Variants in MARCHF4 observed in about 807,000 individuals in gnomAD.
MARCHF4 encodes membrane associated ring-CH-type finger 4.
A neutral mutation model predicts 43.9 loss-of-function variants in MARCHF4; 14 were observed. The observed-to-expected ratio is 0.32, with a 90% CI of 0.21 to 0.50. The LOEUF (loss-of-function observed/expected upper bound fraction) is 0.50, where lower values mean the gene tolerates loss of function less well. MARCHF4 is among the 20% of genes least tolerant of loss of function. The pLI is 0.98. For synonymous variants in MARCHF4, 226 were observed against 213.3 expected (o/e 1.06, Z -0.52); for missense variants, 468 against 536.7 (o/e 0.87, Z 1.27).
chr2:216,271,690 G>T (rs1182828981), intron 3 of MARCHF4, among the ~76,000 whole-genome samples: 1 of 152,112 alleles, frequency 6.6e-6, no homozygotes. Context: ...TTATTATATG[G>T]GGTTCAGTGA....
intron 1 of MARCHF4, among the ~76,000 whole-genome samples, chr2:216,313,071 G>A (rs1691715985): frequency 6.6e-6 from 1 of 152,108 alleles, no homozygotes; most frequent in African/African-American, 2.4e-5. Context: ...GTGAGAGAGA[G>A]GGGTCCAGTT....
chr2:216,317,146 T>G (rs1483536212), intron 1 of MARCHF4, among the ~76,000 whole-genome samples: 1 of 152,206 alleles, frequency 6.6e-6, no homozygotes, highest in African/African-American at 2.4e-5. Context: ...ACTCTTTCAT[T>G]GGCGTCTTTA....
At chr2:216,354,949 T>TTCTTTCTTTC (rs1559106662) in intron 1 of MARCHF4, among the ~76,000 whole-genome samples, 8 of 144,800 alleles carry the variant, frequency 5.5e-5, no homozygotes, top group African/African-American at 2.1e-4. Context: ...CTTTCTTTCT[T>TTCTTTCTTTC]TCTTTCTTTC....
intron 1 of MARCHF4, among the ~76,000 whole-genome samples, chr2:216,328,721 G>A (rs1692036061): frequency 6.6e-6 from 1 of 152,194 alleles, no homozygotes; most frequent in African/African-American, 2.4e-5. Context: ...CATCTTATGG[G>A]GGATTAAATA....
chr2:216,356,414 G>C lies in MARCHF4; in HGVS notation c.516+13331C>G, dbSNP rs60262188. ...GAAAGGGAACTAATACTTCTCAAGA[G>C]CCCATTTCATGCACGGTGCTACGTA... On this transcript the variant is annotated intron_variant, in intron 1 of 3. Coordinates refer to ENST00000273067, the MANE Select transcript of MARCHF4 (RefSeq NM_020814.3). 5.6e-3 allele frequency among the ~76,000 whole-genome samples: 848 copies of C among 152,334 alleles called. 8 individuals are homozygous for C. Among genetic ancestry groups the C allele is most frequent in the African/African-American group, 0.019 (798 of 41,572 alleles).
intron 3 of MARCHF4, among the ~76,000 whole-genome samples, chr2:216,267,591 T>G (rs1690866338): frequency 6.6e-6 from 1 of 152,196 alleles, no homozygotes; most frequent in African/African-American, 2.4e-5. Flanking sequence ...TTCTATCTGC[T>G]GAAGTTACCC....
rs970902887 is a variant in MARCHF4 at position 216,258,747 on chromosome 2, A to C, written c.*565T>G. The C allele has an allele frequency of 2.0e-5, 3 of 151,918 alleles. No homozygotes were observed. The highest frequency in any genetic ancestry group is 4.9e-5 in the African/African-American group (2 of 41,076). The allele number at this position is 151,918 out of a possible 1,614,324, so 9.4% of individuals were successfully genotyped here. ...CCTGAGCATCCCTCCCTGACCATCC[A>C]CCCCACCATCCCCACAGCCATTTGT... On this transcript the variant is annotated 3_prime_UTR_variant, in exon 4 of 4. Coordinates refer to ENST00000273067, the MANE Select transcript of MARCHF4 (RefSeq NM_020814.3).
At chr2:216,366,581 T>C (rs1574489707) in intron 1 of MARCHF4, among the ~76,000 whole-genome samples, 1 of 152,224 alleles carries the variant, frequency 6.6e-6, no homozygotes, top group African/African-American at 2.4e-5. Context: ...TTGAACTTGC[T>C]ATTTCCTTCA....
At position 216,258,507 on chromosome 2, in the gene MARCHF4, G is replaced by GGTGT. The variant is rs61382542; in HGVS notation, c.*801_*804dup. On this transcript the variant is annotated 3_prime_UTR_variant, in exon 4 of 4. Transcript: ENST00000273067. ...CTGGAAATCTGTACTTTTCTCTAGGGGTGTGTGTGTGTGTGTGTGTGTGTG... is the reference window on the plus strand; with the variant it reads ...CTGGAAATCTGTACTTTTCTCTAGGGGTGTGTGTGTGTGTGTGTGTGTGTGTGTG... 29,855 of 144,996 alleles carry GGTGT rather than the reference G, an allele frequency of 0.21. 3,162 individuals are homozygous for GGTGT. Among genetic ancestry groups the GGTGT allele is most frequent in the South Asian group, 0.3 (1,317 of 4,450 alleles). The allele number at this position is 144,996 out of a possible 1,614,324, so 9.0% of individuals were successfully genotyped here.
chr2:216,285,841 A>C (rs1009771607), intron 1 of MARCHF4, among the ~76,000 whole-genome samples: 1 of 152,170 alleles, frequency 6.6e-6, no homozygotes, highest in Non-Finnish European at 1.5e-5. Context: ...GCTGGGTTTG[A>C]TTAATCGGAT....
chr2:216,312,873 C>G (rs781422718), intron 1 of MARCHF4, among the ~76,000 whole-genome samples: 1 of 150,806 alleles, frequency 6.6e-6, no homozygotes, highest in East Asian at 1.9e-4. Flanking sequence ...TGTGCAGAAG[C>G]TTTTTTGGTT....
At chr2:216,298,019 T>A (rs528577721) in intron 1 of MARCHF4, among the ~76,000 whole-genome samples, 1 of 152,334 alleles carries the variant, frequency 6.6e-6, no homozygotes, top group East Asian at 1.9e-4. Context: ...TTATTTCAGA[T>A]GACTAGATAG....
intron 1 of MARCHF4, among the ~76,000 whole-genome samples, chr2:216,336,269 ATT>A (rs1692155993): frequency 6.6e-6 from 1 of 152,136 alleles, no homozygotes; most frequent in Non-Finnish European, 1.5e-5. Context: ...AAACCGAAAG[ATT>A]TTTGTTTAAA....
intron 1 of MARCHF4, among the ~76,000 whole-genome samples, chr2:216,321,047 T>C (rs542987547): frequency 3.9e-5 from 6 of 152,078 alleles, no homozygotes; most frequent in African/African-American, 1.4e-4. Flanking sequence ...AATAATGATG[T>C]TGGAATGCCA....
intron 1 of MARCHF4, among the ~76,000 whole-genome samples, chr2:216,355,407 C>T (rs1164663450): frequency 6.6e-6 from 1 of 152,200 alleles, no homozygotes; most frequent in East Asian, 1.9e-4. Flanking sequence ...CATGCAAAAT[C>T]AGTCTTGTTT....
intron 1 of MARCHF4, among the ~76,000 whole-genome samples, chr2:216,365,903 CA>C (rs1692659425): frequency 2.6e-5 from 4 of 152,172 alleles, no homozygotes; most frequent in Admixed American, 2.6e-4. Flanking sequence ...GAACAGCAGG[CA>C]AAAGGTAGGT....
chr2:216,293,984 C>A (rs1164161401), intron 1 of MARCHF4, among the ~76,000 whole-genome samples: 9,480 of 150,962 alleles, frequency 0.063, 2,123 homozygotes, highest in Middle Eastern at 0.096. Flanking sequence ...ATTACCATCA[C>A]CATTGTTACC....
chr2:216,332,827 A>G (rs1397892081), intron 1 of MARCHF4, among the ~76,000 whole-genome samples: 1 of 152,236 alleles, frequency 6.6e-6, no homozygotes, highest in Admixed American at 6.5e-5. Flanking sequence ...AGATTAGTGG[A>G]ATAGAGAAGG....
At chr2:216,289,780 G>A (rs1042766986) in intron 1 of MARCHF4, among the ~76,000 whole-genome samples, 11 of 152,188 alleles carry the variant, frequency 7.2e-5, no homozygotes, top group Non-Finnish European at 1.3e-4. Context: ...GTACCATGCT[G>A]TAGTTTGGAA....
Sources: gnomAD v4.1 joint callset for allele counts (sites outside exome capture counted in the v4.1 genomes callset) on GRCh38, gnomAD v4.1.1 for gene constraint, MANE v1.5 for transcripts, NCBI Gene and HGNC (gene_info 2026-07-23, HGNC 2026-07-21) for gene names.